The following FHDC1 variants were observed in gnomAD, a reference collection of about 807,000 sequenced individuals.
FHDC1 encodes FH2 domain-containing protein 1.
In FHDC1, 25 loss-of-function variants were observed where a neutral mutation model predicts 52.6. The ratio of observed to expected loss-of-function variants is 0.48; its 90% CI spans 0.35 to 0.66. FHDC1 has a LOEUF of 0.66. Ranked by LOEUF, FHDC1 falls within the 30% of genes least tolerant of loss-of-function variation. The probability of loss-of-function intolerance (pLI) is 0.01; values close to 1 mark genes in which losing one functional copy is unlikely to be tolerated. For missense variants in FHDC1, 1,459 were observed against 1,452.8 expected (o/e 1.00, Z -0.07); for synonymous variants, 616 against 581.5 (o/e 1.06, Z -0.85).
the FHDC1 span, chr4:152,911,723 T>C: frequency 6.6e-6 from 1 of 152,598 alleles, no homozygotes. Flanking sequence ...CTGTTTTGAG[T>C]GCTTAATACA....
the FHDC1 span, among the ~76,000 whole-genome samples, chr4:152,922,019 G>C: frequency 6.6e-6 from 1 of 152,138 alleles, no homozygotes; most frequent in Non-Finnish European, 1.5e-5. Flanking sequence ...GAGCAGAACT[G>C]AAGGAAATAG....
chr4:152,965,013 CTTT>C (rs754123349), intron 9 of FHDC1, 38 bp downstream of exon 9: 1 of 1,553,776 alleles, frequency 6.4e-7, no homozygotes, highest in Non-Finnish European at 8.7e-7. Flanking sequence ...GATTCTTTAC[CTTT>C]TTATGAAAAC....
chr4:152,938,302 A>T (rs11944604), intron 1 of FHDC1, among the ~76,000 whole-genome samples: 20,655 of 125,744 alleles, frequency 0.16, 1,481 homozygotes, highest in African/African-American at 0.22. Context: ...GCCTATGAAT[A>T]TTTACATTGT....
chr4:152,922,836 T>G, the FHDC1 span, among the ~76,000 whole-genome samples: 4 of 151,620 alleles, frequency 2.6e-5, no homozygotes, highest in Non-Finnish European at 5.9e-5. Context: ...CTCAATAAAT[T>G]AGGTATTGAT....
the FHDC1 span, among the ~76,000 whole-genome samples, chr4:152,926,021 C>T: frequency 2.0e-5 from 3 of 152,000 alleles, no homozygotes; most frequent in Admixed American, 6.6e-5. Flanking sequence ...ACAGAGGTTT[C>T]TCCCCAAAAG....
the FHDC1 span, chr4:152,916,914 C>T: frequency 2.0e-5 from 3 of 152,148 alleles, no homozygotes; most frequent in Non-Finnish European, 2.9e-5. Flanking sequence ...TTTTTCTCCT[C>T]GGCTCATTTC....
At chr4:152,958,670 GT>G (rs1740184792) in intron 4 of FHDC1, among the ~76,000 whole-genome samples, 1 of 152,116 alleles carries the variant, frequency 6.6e-6, no homozygotes, top group African/African-American at 2.4e-5. Flanking sequence ...TACATATATG[GT>G]CTTATACAAC....
upstream of FHDC1, among the ~76,000 whole-genome samples, chr4:152,936,100 C>A (rs1739362293): frequency 6.6e-6 from 1 of 152,052 alleles, no homozygotes; most frequent in Admixed American, 6.5e-5. Context: ...GCAGTGTGCC[C>A]CGAGGCGTCT....
chr4:152,925,017 A>AG, the FHDC1 span, among the ~76,000 whole-genome samples: 3 of 151,990 alleles, frequency 2.0e-5, no homozygotes, highest in Admixed American at 1.3e-4. Flanking sequence ...TAATAAAAAA[A>AG]AAGAAGAAAA....
At chr4:152,914,149 G>T in the FHDC1 span, among the ~76,000 whole-genome samples, 1 of 152,164 alleles carries the variant, frequency 6.6e-6, no homozygotes, top group Non-Finnish European at 1.5e-5. Context: ...CAAGGTCACA[G>T]TTCCTTTACT....
At chr4:152,945,554 T>A (rs1739704559) in intron 2 of FHDC1, among the ~76,000 whole-genome samples, 1 of 152,192 alleles carries the variant, frequency 6.6e-6, no homozygotes, top group Non-Finnish European at 1.5e-5. Flanking sequence ...CCTTCTGGGT[T>A]CAGGACATTC....
chr4:152,975,918 A>G lies in FHDC1; in HGVS notation c.2627A>G (p.Lys876Arg). Residue 876 changes from lysine to arginine, a missense_variant, in exon 12 of 12, where the codon AAG (lysine) becomes AGG (arginine). Transcript: ENST00000511601. ...SLKEASPGAS[K>R]PGSARRSQGA... ...AAAGAGGCGTCTCCCGGGGCCTCCAAGCCCGGGAGCGCCCGGCGGAGCCAG... is the reference window on the plus strand; with the variant it reads ...AAAGAGGCGTCTCCCGGGGCCTCCAGGCCCGGGAGCGCCCGGCGGAGCCAG... 6.6e-7 allele frequency: 1 copy of G among 1,514,086 alleles called. No individual in the cohort carries two copies. The highest frequency in any genetic ancestry group is 8.8e-7 in the Non-Finnish European group (1 of 1,133,644). The allele number at this position is 1,514,086 out of a possible 1,614,324, so 93.8% of individuals were successfully genotyped here.
intron 10 of FHDC1, among the ~76,000 whole-genome samples, chr4:152,969,884 T>A (rs1347458446): frequency 6.6e-6 from 1 of 152,146 alleles, no homozygotes; most frequent in East Asian, 1.9e-4. Flanking sequence ...TTAGCCAGGA[T>A]GGTCTCAATC....
At chr4:152,942,049 C>T (rs1330510363) in intron 1 of FHDC1, among the ~76,000 whole-genome samples, 3 of 152,148 alleles carry the variant, frequency 2.0e-5, no homozygotes, top group Non-Finnish European at 4.4e-5. Flanking sequence ...AAAATGCAAC[C>T]CACTAAAGTA....
the FHDC1 span, chr4:152,912,009 C>G: frequency 6.6e-6 from 1 of 152,528 alleles, no homozygotes; most frequent in African/African-American, 2.4e-5. Flanking sequence ...AAAGGTACTT[C>G]TGTCACTTAT....
At chr4:152,971,173 T>C (rs767642858) in intron 10 of FHDC1, among the ~76,000 whole-genome samples, 1 of 152,026 alleles carries the variant, frequency 6.6e-6, no homozygotes, top group Non-Finnish European at 1.5e-5. Flanking sequence ...CTGGGAAACA[T>C]AGGGAAACCC....
Position 152,976,301 on chromosome 4 carries a change from C to G in FHDC1, c.3010C>G (p.Arg1004Gly). 6.2e-7 allele frequency: 1 copy of G among 1,613,602 alleles called. No homozygotes were observed. Among genetic ancestry groups the G allele is most frequent in the East Asian group, 2.2e-5 (1 of 44,856 alleles). ...RQKPEENKTCRAHSEGPESPK... is the reference protein window; with the variant it reads ...RQKPEENKTCGAHSEGPESPK... ...GAAGCCTGAGGAAAATAAGACCTGC[C>G]GCGCCCACTCCGAGGGCCCTGAGAG... Residue 1004 changes from arginine to glycine, a missense_variant, in exon 12 of 12, where the codon CGC (arginine) becomes GGC (glycine). Physicochemically the swap from Arg to Gly is moderately radical, Grantham distance 125. Around this residue, in one of 3 missense-constraint regions of FHDC1, gnomAD observed 939 missense variants for 854.5 expected, o/e 1.10. Transcript: ENST00000511601.
At position 152,975,275 on chromosome 4, in the gene FHDC1, CCT is replaced by C. The variant is rs1409864673; in HGVS notation, c.1990_1991del (p.Ser664AlafsTer7). 1.2e-6 allele frequency: 2 copies of C among 1,613,454 alleles called. No homozygotes were observed. The highest frequency in any genetic ancestry group is 1.1e-5 in the South Asian group (1 of 91,084). On this transcript the variant is annotated frameshift_variant, in exon 12 of 12. Transcript: ENST00000511601. LOFTEE classifies it low-confidence loss of function (END_TRUNC). Reference sequence around the variant, plus strand: ...GAGCCTGGGCTCAGCACAGTCCCCTCCTCTCTCGCCATTGGCTCTGGGAATTA... The same window carrying C: ...GAGCCTGGGCTCAGCACAGTCCCCTCCTCTCGCCATTGGCTCTGGGAATTA... ...PVSLGSAQSP[P>X]LSPLALGIKE... is the part of the protein sequence containing the mutation.
At chr4:152,962,708 G>A (rs1210420257) in intron 6 of FHDC1, 106 bp from the exon 7 acceptor site, 6 of 856,272 alleles carry the variant, frequency 7.0e-6, no homozygotes, top group Non-Finnish European at 1.2e-5. Flanking sequence ...ACAGTTTAAG[G>A]TCACAGTTTG....
Sources: allele counts gnomAD v4.1 joint callset (sites outside exome capture counted in the v4.1 genomes callset), GRCh38; gene constraint gnomAD v4.1.1; regional missense constraint gnomAD v4.1.1; transcripts MANE v1.5; gene names NCBI Gene and HGNC (gene_info 2026-07-23, HGNC 2026-07-21).